The following KCNS1 variants were observed in gnomAD, a reference collection of about 807,000 sequenced individuals.
The protein encoded by KCNS1 is potassium voltage-gated channel modifier subfamily S member 1, also known as delayed-rectifier potassium channel regulatory subunit KCNS1.
In KCNS1, 26 loss-of-function variants were observed where a neutral mutation model predicts 33.1. The observed-to-expected ratio is 0.79, with a 90% CI of 0.58 to 1.09. KCNS1 has a LOEUF of 1.09. Among genes scored for constraint, KCNS1 ranks in the 50% least tolerant of loss-of-function variants. The probability of loss-of-function intolerance (pLI) is 0.00; values close to 1 mark genes in which losing one functional copy is unlikely to be tolerated. For synonymous variants in KCNS1, 299 were observed against 338.8 expected (o/e 0.88, Z 1.29); for missense variants, 702 against 752.4 (o/e 0.93, Z 0.78).
At chr20:45,099,068 G>T in intron 2 of KCNS1, 93 bp downstream of exon 2, 3 of 1,402,042 alleles carry the variant, frequency 2.1e-6, no homozygotes, top group Non-Finnish European at 2.9e-6. Context: ...GGACAAACTT[G>T]GATTTATTTA....
rs769583413 is a variant in KCNS1, at chr20:45,094,823, G to C, written c.*47C>G. ...TACCATGAAGAACTTTAGCAGGGGA[G>C]GAATCTCTACTGTAGGGGCATGGCA... is the stretch of plus-strand genomic sequence containing the variant. On this transcript the variant is annotated 3_prime_UTR_variant, in exon 4 of 4. Coordinates refer to ENST00000537075, the MANE Select transcript of KCNS1 (RefSeq NM_001322799.2). 1 of 1,454,090 alleles carries C rather than the reference G, an allele frequency of 6.9e-7. No homozygotes were observed. The highest frequency in any genetic ancestry group is 1.4e-5 in the African/African-American group (1 of 70,682). The allele number at this position is 1,454,090 out of a possible 1,614,324, so 90.1% of individuals were successfully genotyped here. A position where few individuals can be genotyped will look rare whatever the true frequency, so the allele number is the denominator to read the frequency against.
In KCNS1 at chr20:45,094,748, C is replaced by G; in HGVS notation, c.*122G>C. On this transcript the variant is annotated 3_prime_UTR_variant, in exon 4 of 4. Transcript: ENST00000537075. ...TGGGCCTTTGGAGGAAGGAATGCAG[C>G]TTTTGAATCTCATTTCTCAGGACAG... 5 of 837,014 alleles carry G rather than the reference C, an allele frequency of 6.0e-6. No homozygotes were observed. The highest frequency in any genetic ancestry group is 9.6e-6 in the Non-Finnish European group (5 of 519,052). 51.8% of individuals were successfully genotyped at this position (837,014 alleles called of 1,614,324 possible). A position where few individuals can be genotyped will look rare whatever the true frequency, so the allele number is the denominator to read the frequency against.
Position 45,093,874 on chromosome 20 carries a change from A to G in KCNS1, c.*996T>C, listed in dbSNP as rs1344773458. On this transcript the variant is annotated 3_prime_UTR_variant, in exon 4 of 4. Transcript: ENST00000537075. The stretch of plus-strand genomic sequence containing the variant: ...ATTCATATATGTCAGCCCTCTGAAC[A>G]TTTCAGAGCTGAGCTGGCTTTAAGT... The G allele has an allele frequency of 6.6e-6, 1 of 152,172 alleles. No homozygotes were observed. Among genetic ancestry groups the G allele is most frequent in the Non-Finnish European group, 1.5e-5 (1 of 68,052 alleles). 9.4% of individuals were successfully genotyped at this position (152,172 alleles called of 1,614,324 possible).
rs1480408838 is a variant in KCNS1 at position 45,092,779 on chromosome 20, CT to C, written c.*2090del. On this transcript the variant is annotated 3_prime_UTR_variant, in exon 4 of 4. Transcript: ENST00000537075. Reference sequence around the variant, plus strand: ...TTCTCTCTGCTTGGAGTACTCCCCCCTGGAACCTCATTTGCTTAATTAGCAA... The same window carrying C: ...TTCTCTCTGCTTGGAGTACTCCCCCCGGAACCTCATTTGCTTAATTAGCAA... 1 of 151,894 alleles carries C rather than the reference CT, an allele frequency of 6.6e-6. No individual in the cohort carries two copies. The highest frequency in any genetic ancestry group is 1.5e-5 in the Non-Finnish European group (1 of 67,980). The allele number at this position is 151,894 out of a possible 1,614,324, so 9.4% of individuals were successfully genotyped here.
Position 45,091,244 on chromosome 20 carries a change from G to C in KCNS1, c.*3626C>G, listed in dbSNP as rs1980991072. Among the ~76,000 whole-genome samples the C allele has an allele frequency of 6.6e-6, 1 of 152,064 alleles. No homozygotes were observed. Among genetic ancestry groups the C allele is most frequent in the African/African-American group, 2.4e-5 (1 of 41,402 alleles). ...GTGACAATAGGTGGTCTTTTATTTG[G>C]GTAAGTACCTTTCCTCCAACTGCCG... On this transcript the variant is annotated 3_prime_UTR_variant, in exon 4 of 4. Transcript: ENST00000537075.
Position 45,094,915 on chromosome 20 carries a change from T to C in KCNS1, c.1536A>G (p.Leu512=). Residue 512 remains leucine, a synonymous_variant, in exon 4 of 4, where the codon CTA becomes CTG. Coordinates refer to ENST00000537075, the MANE Select transcript of KCNS1 (RefSeq NM_001322799.2). ...ETSQEGQSAD[L]ESQAPSEPPH... Reference sequence around the variant, plus strand: ...GAGGCTCACTGGGGGCCTGGCTCTCTAGATCTGCAGACTGTCCCTCCTGAG... The same window carrying C: ...GAGGCTCACTGGGGGCCTGGCTCTCCAGATCTGCAGACTGTCCCTCCTGAG... 6.2e-7 allele frequency: 1 copy of C among 1,613,874 alleles called. No individual in the cohort carries two copies. The highest frequency in any genetic ancestry group is 8.5e-7 in the Non-Finnish European group (1 of 1,179,932).
Position 45,097,822 on chromosome 20 carries a change from TAGA to T in KCNS1, c.947_949del (p.Phe316del), listed in dbSNP as rs1568791225. On this transcript the variant is annotated inframe_deletion, in exon 3 of 4. Coordinates refer to ENST00000537075, the MANE Select transcript of KCNS1 (RefSeq NM_001322799.2). The stretch of plus-strand genomic sequence containing the variant: ...TGCCACACCAGCCAGCAGCGTGAGA[TAGA>T]AGGGCAGCACAGACACAATGTCGAT... 6.2e-7 allele frequency: 1 copy of T among 1,613,718 alleles called. No individual in the cohort carries two copies. The highest frequency in any genetic ancestry group is 1.7e-5 in the Admixed American group (1 of 60,018).
rs1981140796 is a variant in KCNS1, at chr20:45,095,118, C to T, written c.1333G>A (p.Gly445Ser). 1 of 1,613,716 alleles carries T rather than the reference C, an allele frequency of 6.2e-7. No individual in the cohort carries two copies. Among genetic ancestry groups the T allele is most frequent in the Non-Finnish European group, 8.5e-7 (1 of 1,179,902 alleles). The change falls in exon 4 of 4, where the codon GGC becomes AGC. Residue 445 changes from glycine (G) to serine (S), a missense_variant. Transcript: ENST00000537075. ...KLAASGCILG[G>S]ILVVALPITI... ...ATGGGGAGTGCTACCACCAGGATGC[C>T]CCCTAGGATGCAGCCTGAGGCTGCC...
Position 45,094,880 on chromosome 20 carries a change from T to G in KCNS1, c.1571A>C (p.Gln524Pro), listed in dbSNP as rs61731056. Residue 524 changes from glutamine to proline, a missense_variant, in exon 4 of 4, where the codon CAG becomes CCG. Physicochemically the swap from Gln to Pro is moderately conservative, Grantham distance 76. Coordinates refer to ENST00000537075, the MANE Select transcript of KCNS1 (RefSeq NM_001322799.2). Reference protein sequence around the residue: ...SQAPSEPPHPQMY With the variant: ...SQAPSEPPHPPMY Reference sequence around the variant, plus strand: ...CACGGATCCCTGGTTTTAATACATCTGAGGGTGTGGAGGCTCACTGGGGGC... The same window carrying G: ...CACGGATCCCTGGTTTTAATACATCGGAGGGTGTGGAGGCTCACTGGGGGC... 2.7e-3 allele frequency: 4,321 copies of G among 1,611,390 alleles called. 60 individuals are homozygous for G. In the East Asian group the frequency reaches 0.031, roughly 12 times the overall value.
At position 45,098,030 on chromosome 20, in the gene KCNS1, G is replaced by A. The variant is rs2145514267; in HGVS notation, c.742C>T (p.Arg248Cys). Residue 248 changes from arginine to cysteine, a missense_variant, in exon 3 of 4, where the codon CGC becomes TGC. Transcript: ENST00000537075. This position sits in a 1 kb window ranked among gnomAD's most constrained non-coding sequence, Gnocchi z 5.2. ...CIHSLPEYQAREAAAAVAAVA... is the reference protein window; with the variant it reads ...CIHSLPEYQACEAAAAVAAVA... ...GCAGCCACGGCGGCCGCCGCCTCGCGGGCCTGGTACTCGGGCAGGCTGTGG... is the reference window on the plus strand; with the variant it reads ...GCAGCCACGGCGGCCGCCGCCTCGCAGGCCTGGTACTCGGGCAGGCTGTGG... 1 of 1,510,784 alleles carries A rather than the reference G, an allele frequency of 6.6e-7. No individual in the cohort carries two copies. 93.6% of individuals were successfully genotyped at this position (1,510,784 alleles called of 1,614,324 possible).
chr20:45,098,786 A>T lies in KCNS1; in HGVS notation c.77-91T>A. The T allele has an allele frequency of 4.2e-6, 5 of 1,179,002 alleles. No homozygotes were observed. The highest frequency in any genetic ancestry group is 5.5e-6 in the Non-Finnish European group (5 of 916,818). The allele number at this position is 1,179,002 out of a possible 1,614,324, so 73.0% of individuals were successfully genotyped here. Reference sequence around the variant, plus strand: ...ATCCCCTCCTCCATCCAACCAGCCAAGGGGTGTTGGAGGCTGTGTGTGAAG... The same window carrying T: ...ATCCCCTCCTCCATCCAACCAGCCATGGGGTGTTGGAGGCTGTGTGTGAAG... On this transcript the variant is annotated intron_variant, in intron 2 of 3. Coordinates refer to ENST00000537075, the MANE Select transcript of KCNS1 (RefSeq NM_001322799.2). This position sits in a 1 kb window ranked among gnomAD's most constrained non-coding sequence, Gnocchi z 5.2.
In KCNS1 at chr20:45,094,437, A is replaced by T. The variant is rs1054890670; in HGVS notation, c.*433T>A. The T allele has an allele frequency of 6.2e-6, 1 of 161,504 alleles. No individual in the cohort carries two copies. Among genetic ancestry groups the T allele is most frequent in the Admixed American group, 6.0e-5 (1 of 16,688 alleles). The allele number at this position is 161,504 out of a possible 1,614,324, so 10.0% of individuals were successfully genotyped here. On this transcript the variant is annotated 3_prime_UTR_variant, in exon 4 of 4. Coordinates refer to ENST00000537075, the MANE Select transcript of KCNS1 (RefSeq NM_001322799.2). Reference sequence around the variant, plus strand: ...GCTCCAGGCACACCAACAAGCCCAGATTCCAAACCTGACTCTGCCACTTCT... The same window carrying T: ...GCTCCAGGCACACCAACAAGCCCAGTTTCCAAACCTGACTCTGCCACTTCT...
rs184678404 is a variant in KCNS1 at position 45,093,618 on chromosome 20, C to T, written c.*1252G>A. 5.9e-5 allele frequency: 9 copies of T among 152,388 alleles called. No individual in the cohort carries two copies. The highest frequency in any genetic ancestry group is 2.2e-4 in the African/African-American group (9 of 41,568). The allele number at this position is 152,388 out of a possible 1,614,324, so 9.4% of individuals were successfully genotyped here. Reference sequence around the variant, plus strand: ...GTATGTGGAAAGGGCTACTGGATCCCCTCCTCTGACTTTCTCAGCAAGTGA... The same window carrying T: ...GTATGTGGAAAGGGCTACTGGATCCTCTCCTCTGACTTTCTCAGCAAGTGA... On this transcript the variant is annotated 3_prime_UTR_variant, in exon 4 of 4. Coordinates refer to ENST00000537075, the MANE Select transcript of KCNS1 (RefSeq NM_001322799.2).
chr20:45,098,169 G>C lies in KCNS1; in HGVS notation c.603C>G (p.Arg201=), dbSNP rs370402014. ...TGGTCAGCCAGAGGCGGCGGCGCAGGCGGCCACAGCGCGCCGCGCCATAGC... is the reference window on the plus strand; with the variant it reads ...TGGTCAGCCAGAGGCGGCGGCGCAGCCGGCCACAGCGCGCCGCGCCATAGC... The part of the protein sequence containing the change: ...LARYGAARCG[R]LRRRLWLTME... Residue 201 remains arginine, a synonymous_variant, in exon 3 of 4, where the codon CGC becomes CGG. Coordinates refer to ENST00000537075, the MANE Select transcript of KCNS1 (RefSeq NM_001322799.2). This position sits in a 1 kb window ranked among gnomAD's most constrained non-coding sequence, Gnocchi z 5.2. The C allele has an allele frequency of 9.9e-5, 159 of 1,600,996 alleles. No individual in the cohort carries two copies. The African/African-American group carries it at 1.9e-3, about 19-fold the overall frequency.
chr20:45,097,886 T>G lies in KCNS1; in HGVS notation c.886A>C (p.Ser296Arg). ...GGGTGGCAGAAGAAGTTGCGCGTAC[T>G]GGGCGCCAGCAGGAGGCGCGACGAC... is the stretch of plus-strand genomic sequence containing the variant. ...EVSSRLLLAP[S>R]TRNFFCHPLN... The change falls in exon 3 of 4, where the codon AGT becomes CGT. Residue 296 changes from serine (S) to arginine (R), a missense_variant. Ser to Arg is a moderately radical substitution (Grantham distance 110, BLOSUM62 -1). Transcript: ENST00000537075. 1 of 1,611,112 alleles carries G rather than the reference T, an allele frequency of 6.2e-7. No homozygotes were observed. The highest frequency in any genetic ancestry group is 2.2e-5 in the East Asian group (1 of 44,774).
At position 45,091,342 on chromosome 20, in the gene KCNS1, C is replaced by G. The variant is rs1980994496; in HGVS notation, c.*3528G>C. ...CATATGACTCAAGTGAAATCAGACT[C>G]TCTCCTGGGATTGGAACTGTGAGCA... On this transcript the variant is annotated 3_prime_UTR_variant, in exon 4 of 4. Transcript: ENST00000537075. 6.6e-6 allele frequency among the ~76,000 whole-genome samples: 1 copy of G among 152,204 alleles called. No homozygotes were observed. The highest frequency in any genetic ancestry group is 2.1e-4 in the South Asian group (1 of 4,830).
At chr20:45,099,389 A>G in intron 1 of KCNS1, 150 bp from the exon 2 acceptor site, 1 of 633,198 alleles carries the variant, frequency 1.6e-6, no homozygotes, top group South Asian at 1.8e-5. Context: ...GCTTTAGATT[A>G]TGTAAAGCAT....
rs1157203268 is a variant in KCNS1, at chr20:45,093,875, T to C, written c.*995A>G. 1 of 152,232 alleles carries C rather than the reference T, an allele frequency of 6.6e-6. No homozygotes were observed. Among genetic ancestry groups the C allele is most frequent in the Non-Finnish European group, 1.5e-5 (1 of 68,076 alleles). The allele number at this position is 152,232 out of a possible 1,614,324, so 9.4% of individuals were successfully genotyped here. ...TTCATATATGTCAGCCCTCTGAACA[T>C]TTCAGAGCTGAGCTGGCTTTAAGTT... On this transcript the variant is annotated 3_prime_UTR_variant, in exon 4 of 4. Coordinates refer to ENST00000537075, the MANE Select transcript of KCNS1 (RefSeq NM_001322799.2).
Position 45,092,006 on chromosome 20 carries a change from T to G in KCNS1, c.*2864A>C, listed in dbSNP as rs1981013106. Among the ~76,000 whole-genome samples the G allele has an allele frequency of 6.6e-6, 1 of 152,250 alleles. No homozygotes were observed. The highest frequency in any genetic ancestry group is 2.4e-5 in the African/African-American group (1 of 41,470). Reference sequence around the variant, plus strand: ...TTACAGCAGCTGCTGGAAACTAATATATCTTCCAATAAATTCATTTTTTGC... The same window carrying G: ...TTACAGCAGCTGCTGGAAACTAATAGATCTTCCAATAAATTCATTTTTTGC... On this transcript the variant is annotated 3_prime_UTR_variant, in exon 4 of 4. Coordinates refer to ENST00000537075, the MANE Select transcript of KCNS1 (RefSeq NM_001322799.2).
Sources: gnomAD v4.1 joint callset for allele counts (sites outside exome capture counted in the v4.1 genomes callset) on GRCh38, gnomAD v4.1.1 for gene constraint, Gnocchi (gnomAD v3.1) non-coding constraint, MANE v1.5 for transcripts, NCBI Gene and HGNC (gene_info 2026-07-23, HGNC 2026-07-21) for gene names.